Variants in PRELID2 observed in about 807,000 individuals in gnomAD.
The protein encoded by PRELID2 is PRELI domain containing 2.
Under a neutral mutation model 28.4 loss-of-function variants are expected in PRELID2, and 25 were observed. That is an observed-to-expected ratio of 0.88 (90% CI 0.64 to 1.23). PRELID2 has a LOEUF of 1.23. PRELID2 is among the 50% of genes most tolerant of loss of function. The pLI is 0.00. For missense variants in PRELID2, 201 were observed against 214.4 expected (o/e 0.94, Z 0.39); for synonymous variants, 76 against 71.6 (o/e 1.06, Z -0.31).
the PRELID2 span, among the ~76,000 whole-genome samples, chr5:145,431,435 G>A: frequency 6.6e-6 from 1 of 152,214 alleles, no homozygotes; most frequent in African/African-American, 2.4e-5. Context: ...TAGTTTGAAA[G>A]TTTTTCCCCA....
chr5:145,341,664 A>G, the PRELID2 span, among the ~76,000 whole-genome samples: 1 of 152,126 alleles, frequency 6.6e-6, no homozygotes, highest in African/African-American at 2.4e-5. Context: ...TCAAGCTAAG[A>G]AAGAACTTGA....
chr5:145,504,445 C>T (rs753930241), intron 1 of PRELID2, among the ~76,000 whole-genome samples: 6 of 152,150 alleles, frequency 3.9e-5, no homozygotes, highest in African/African-American at 7.2e-5. Context: ...GGCTGAGAAG[C>T]GATACACATA....
intron 1 of PRELID2, among the ~76,000 whole-genome samples, chr5:145,832,467 G>C (rs1039224455): frequency 6.6e-6 from 1 of 152,278 alleles, no homozygotes; most frequent in East Asian, 1.9e-4. Flanking sequence ...TTACAGGAGT[G>C]AGCTGCCGTG....
chr5:145,286,689 C>T, the PRELID2 span, among the ~76,000 whole-genome samples: 2 of 149,324 alleles, frequency 1.3e-5, no homozygotes, highest in African/African-American at 5.0e-5. Flanking sequence ...TGACTGCCAA[C>T]ATAGAAGTTT....
chr5:145,469,000 GTTAAT>G (rs913280527), downstream of PRELID2, among the ~76,000 whole-genome samples: 7 of 151,968 alleles, frequency 4.6e-5, no homozygotes, highest in African/African-American at 1.7e-4. Flanking sequence ...TTATTTTTAA[GTTAAT>G]TTATTTTTAG....
chr5:145,325,122 C>CT, the PRELID2 span, among the ~76,000 whole-genome samples: 152,243 of 152,310 alleles, frequency 1, 76,088 homozygotes, highest in East Asian at 1. Flanking sequence ...TAATTTTAAA[C>CT]TTTTAAAAAC....
At chr5:145,520,240 TGAAG>T (rs1752552529) in intron 1 of PRELID2, among the ~76,000 whole-genome samples, 1 of 152,226 alleles carries the variant, frequency 6.6e-6, no homozygotes, top group Non-Finnish European at 1.5e-5. Flanking sequence ...GCATTTCCCC[TGAAG>T]TGTCTAAAGT....
chr5:145,621,134 G>C (rs1055596853), intron 1 of PRELID2, among the ~76,000 whole-genome samples: 8 of 152,256 alleles, frequency 5.3e-5, no homozygotes, highest in South Asian at 4.1e-4. Context: ...TATCTGAATA[G>C]ACATTTCTCC....
chr5:145,735,890 C>T (rs1433104622), intron 1 of PRELID2, among the ~76,000 whole-genome samples: 1 of 152,184 alleles, frequency 6.6e-6, no homozygotes, highest in Non-Finnish European at 1.5e-5. Flanking sequence ...CATGACCGAC[C>T]ACATTGTGAG....
At chr5:145,630,729 T>C (rs1263255285) in intron 1 of PRELID2, among the ~76,000 whole-genome samples, 1 of 152,186 alleles carries the variant, frequency 6.6e-6, no homozygotes, top group Non-Finnish European at 1.5e-5. Context: ...CTTGGTGGCA[T>C]ACCATTGGCT....
chr5:145,627,380 GGGTGGGTACAATGTACCCTATTCAGAT>G (rs1753863861), intron 1 of PRELID2, among the ~76,000 whole-genome samples: 4 of 151,916 alleles, frequency 2.6e-5, no homozygotes, highest in Admixed American at 2.0e-4. Context: ...CAGTAGAAGG[GGGTGGGTACAATGTACCCTATTCAGAT>G]GATGGGTACA....
the PRELID2 span, among the ~76,000 whole-genome samples, chr5:145,290,104 G>C: frequency 3.3e-5 from 5 of 152,256 alleles, no homozygotes; most frequent in African/African-American, 9.6e-5. Context: ...GGAACAACAG[G>C]TGCTGGAGAG....
At chr5:145,410,999 C>G in the PRELID2 span, among the ~76,000 whole-genome samples, 1 of 151,860 alleles carries the variant, frequency 6.6e-6, no homozygotes, top group Non-Finnish European at 1.5e-5. Flanking sequence ...TACACCCATT[C>G]CAAATGGGAG....
intron 1 of PRELID2, among the ~76,000 whole-genome samples, chr5:145,637,333 G>A (rs573847891): frequency 9.9e-5 from 15 of 152,278 alleles, no homozygotes; most frequent in African/African-American, 3.6e-4. Context: ...GAAAGGTGAA[G>A]CCATTCGTCC....
intron 1 of PRELID2, among the ~76,000 whole-genome samples, chr5:145,574,490 G>C (rs1413832450): frequency 6.6e-6 from 1 of 152,204 alleles, no homozygotes; most frequent in Non-Finnish European, 1.5e-5. Flanking sequence ...CCCACTCTGA[G>C]GTGATGGCAC....
chr5:145,386,093 C>A, the PRELID2 span, among the ~76,000 whole-genome samples: 1 of 152,074 alleles, frequency 6.6e-6, no homozygotes, highest in Non-Finnish European at 1.5e-5. Context: ...ACTAACAGTT[C>A]AGCATGGCTG....
At chr5:145,654,213 C>T (rs528753469) in intron 1 of PRELID2, among the ~76,000 whole-genome samples, 3 of 152,180 alleles carry the variant, frequency 2.0e-5, no homozygotes, top group Admixed American at 6.5e-5. Context: ...AACTCGAATC[C>T]CTGAATAGAC....
At chr5:145,824,111 A>G (rs1755009672) in intron 1 of PRELID2, among the ~76,000 whole-genome samples, 2 of 152,108 alleles carry the variant, frequency 1.3e-5, no homozygotes, top group Admixed American at 1.3e-4. Context: ...CAGATGTGAA[A>G]AGAGAGACAC....
At chr5:145,419,448 T>C in the PRELID2 span, among the ~76,000 whole-genome samples, 5 of 125,750 alleles carry the variant, frequency 4.0e-5, no homozygotes, top group Non-Finnish European at 6.8e-5. Flanking sequence ...GGTATCTCAT[T>C]GTGGTTTTGA....
Sources: allele counts gnomAD v4.1 joint callset (sites outside exome capture counted in the v4.1 genomes callset), GRCh38; gene constraint gnomAD v4.1.1; transcripts MANE v1.5; gene names NCBI Gene and HGNC (gene_info 2026-07-23, HGNC 2026-07-21).